Variants in CYP4X1 observed in about 807,000 individuals in gnomAD.
CYP4X1 encodes the protein cytochrome P450 4X1.
CYP4X1 carries 44 observed loss-of-function variants against 57.9 expected under a neutral mutation model. The observed-to-expected ratio is 0.76, with a 90% CI of 0.60 to 0.98. CYP4X1 has a LOEUF of 0.98. CYP4X1 is among the 50% of genes least tolerant of loss of function. The pLI is 0.00. For synonymous variants in CYP4X1, 227 were observed against 228.6 expected, an observed-to-expected ratio of 0.99 and a Z score of 0.06; for missense variants, 532 against 623.9, an observed-to-expected ratio of 0.85 and a Z score of 1.57.
At chr1:46,973,946 A>AT in the CYP4X1 span, among the ~76,000 whole-genome samples, 2 of 149,524 alleles carry the variant, frequency 1.3e-5, no homozygotes, top group Non-Finnish European at 3.0e-5. Context: ...TTTTGTTATT[A>AT]TTTTTTTCTG....
At position 47,029,975 on chromosome 1, in the gene CYP4X1, C is replaced by CT; in HGVS notation, c.178-9dup. ...CAGCTTGGCTGGCTAATTACTTTTA[C>CT]TTTTTTCACTGCAGTTTATTCAGGA... On this transcript the variant is annotated splice_polypyrimidine_tract_variant and intron_variant, in intron 1 of 11. Coordinates refer to ENST00000371901, the MANE Select transcript of CYP4X1 (RefSeq NM_178033.2). 1 of 1,612,890 alleles carries CT rather than the reference C, an allele frequency of 6.2e-7. No individual in the cohort carries two copies. The highest frequency in any genetic ancestry group is 8.5e-7 in the Non-Finnish European group (1 of 1,179,318).
chr1:46,987,398 C>A, the CYP4X1 span, among the ~76,000 whole-genome samples: 6 of 152,096 alleles, frequency 3.9e-5, no homozygotes, highest in Admixed American at 3.9e-4. Context: ...TTCTTAGAGA[C>A]CTATAAAGAG....
At chr1:46,990,102 G>A in the CYP4X1 span, among the ~76,000 whole-genome samples, 29 of 152,176 alleles carry the variant, frequency 1.9e-4, no homozygotes, top group Non-Finnish European at 3.5e-4. Flanking sequence ...TATCATCAGA[G>A]TGAACAAGCA....
chr1:47,037,933 A>AT (rs1197327502), intron 6 of CYP4X1, among the ~76,000 whole-genome samples: 1 of 152,106 alleles, frequency 6.6e-6, no homozygotes, highest in Middle Eastern at 3.2e-3. Context: ...TTTTCAAGTG[A>AT]TTTGAGATAA....
At chr1:47,048,498 T>C (rs1644326396) in intron 9 of CYP4X1, 67 bp from the exon 10 acceptor site, 4 of 1,548,544 alleles carry the variant, frequency 2.6e-6, no homozygotes, top group Admixed American at 3.3e-5. Context: ...AAAGTCTTGT[T>C]TAAGAGCACA....
chr1:46,992,394 T>A, the CYP4X1 span, among the ~76,000 whole-genome samples: 2 of 152,202 alleles, frequency 1.3e-5, no homozygotes, highest in Admixed American at 1.3e-4. Context: ...TCTGTAACCA[T>A]TAAGCAATAC....
chr1:47,023,681 T>C lies in CYP4X1; in HGVS notation c.-137T>C, dbSNP rs1644023689. On this transcript the variant is annotated 5_prime_UTR_variant, in exon 1 of 12. Transcript: ENST00000371901. ...AGCTGCCCCTCCCACTGCCTTTCCT[T>C]CTTCCCGCGAGTCAGAAGCTTCGCG... 3 of 1,427,202 alleles carry C rather than the reference T, an allele frequency of 2.1e-6. No homozygotes were observed. The highest frequency in any genetic ancestry group is 9.1e-7 in the Non-Finnish European group (1 of 1,093,818). The allele number at this position is 1,427,202 out of a possible 1,614,324, so 88.4% of individuals were successfully genotyped here.
At chr1:47,008,111 C>A in the CYP4X1 span, among the ~76,000 whole-genome samples, 1 of 152,106 alleles carries the variant, frequency 6.6e-6, no homozygotes, top group African/African-American at 2.4e-5. Flanking sequence ...AACTCCAAGA[C>A]ACATAATTGT....
chr1:47,037,585 T>A (rs934566863), intron 6 of CYP4X1, among the ~76,000 whole-genome samples: 2 of 152,138 alleles, frequency 1.3e-5, no homozygotes, highest in Non-Finnish European at 2.9e-5. Context: ...AGATAAGTCC[T>A]TGTTGTCAAG....
chr1:46,987,913 A>G, the CYP4X1 span, among the ~76,000 whole-genome samples: 1 of 152,220 alleles, frequency 6.6e-6, no homozygotes, highest in Admixed American at 6.5e-5. Context: ...ATAGCACTAA[A>G]TGCCCACAAG....
upstream of CYP4X1, among the ~76,000 whole-genome samples, chr1:47,018,880 C>A (rs1250224945): frequency 1.3e-5 from 2 of 152,140 alleles, no homozygotes; most frequent in East Asian, 3.8e-4. Flanking sequence ...AAGCCGCTGA[C>A]CATTGAAAAC....
the CYP4X1 span, among the ~76,000 whole-genome samples, chr1:46,985,239 A>G: frequency 1.3e-5 from 2 of 152,290 alleles, no homozygotes; most frequent in South Asian, 4.2e-4. Context: ...GAGGCAGGAG[A>G]ATGGCATAAA....
chr1:47,048,684 C>A lies in CYP4X1; in HGVS notation c.1272+55C>A, dbSNP rs897540679. On this transcript the variant is annotated intron_variant, in intron 10 of 11. Transcript: ENST00000371901. ...CCAAGAACTAATGCTGTGCAAGTCA[C>A]TTTTTGGTAGCTAAGCACAGAAGTG... The A allele has an allele frequency of 1.8e-5, 27 of 1,512,668 alleles. No individual in the cohort carries two copies. In the South Asian group the frequency reaches 3.0e-4, roughly 17 times the overall value. The allele number at this position is 1,512,668 out of a possible 1,614,324, so 93.7% of individuals were successfully genotyped here.
At chr1:47,049,153 G>A (rs932538867) in intron 10 of CYP4X1, among the ~76,000 whole-genome samples, 1 of 152,092 alleles carries the variant, frequency 6.6e-6, no homozygotes, top group African/African-American at 2.4e-5. Flanking sequence ...TTTAAAATAC[G>A]TGCTGGATTT....
the CYP4X1 span, among the ~76,000 whole-genome samples, chr1:47,008,824 AG>A: frequency 6.6e-6 from 1 of 152,224 alleles, no homozygotes; most frequent in Non-Finnish European, 1.5e-5. Context: ...GACACAAAGA[AG>A]GCCATTACAT....
chr1:47,030,181 G>A, intron 2 of CYP4X1, 50 bp downstream of exon 2: 1 of 1,559,672 alleles, frequency 6.4e-7, no homozygotes, highest in Non-Finnish European at 8.7e-7. Context: ...GAAGTGAAAT[G>A]CATAAAACCC....
At chr1:46,995,238 AGATTT>A in the CYP4X1 span, among the ~76,000 whole-genome samples, 1 of 152,140 alleles carries the variant, frequency 6.6e-6, no homozygotes, top group Non-Finnish European at 1.5e-5. Context: ...CGTACCTAAT[AGATTT>A]AAGTCATTCT....
the CYP4X1 span, among the ~76,000 whole-genome samples, chr1:46,977,054 G>GT: frequency 6.6e-6 from 1 of 152,136 alleles, no homozygotes; most frequent in Non-Finnish European, 1.5e-5. Context: ...CTAAAAACCA[G>GT]GGCACCTCTT....
chr1:47,046,629 T>C, intron 9 of CYP4X1, 29 bp downstream of exon 9: 1 of 1,614,008 alleles, frequency 6.2e-7, no homozygotes, highest in Non-Finnish European at 8.5e-7. Context: ...TAAGCAGTTC[T>C]TAGAGGCTAT....
Sources: allele counts gnomAD v4.1 joint callset (sites outside exome capture counted in the v4.1 genomes callset), GRCh38; gene constraint gnomAD v4.1.1; transcripts MANE v1.5; gene names NCBI Gene and HGNC (gene_info 2026-07-23, HGNC 2026-07-21).